Variants in GABRA2 observed in about 807,000 individuals in gnomAD.
GABRA2 encodes the protein gamma-aminobutyric acid receptor subunit alpha-2.
Under a neutral mutation model 48.7 loss-of-function variants are expected in GABRA2, and 16 were observed. The observed-to-expected ratio is 0.33, with a 90% CI of 0.22 to 0.50. The LOEUF (loss-of-function observed/expected upper bound fraction) is 0.50. GABRA2 is among the 20% of genes least tolerant of loss of function. GABRA2 has a pLI of 0.98. For synonymous variants in GABRA2, 185 were observed against 184.5 expected (o/e 1.00, Z -0.02); for missense variants, 275 against 535.6 (o/e 0.51, Z 4.80).
intron 8 of GABRA2, among the ~76,000 whole-genome samples, chr4:46,268,884 G>C (rs1376075070): frequency 6.6e-6 from 1 of 151,870 alleles, no homozygotes; most frequent in Non-Finnish European, 1.5e-5. Context: ...TCTGTCATTT[G>C]AGGCAACATG....
intron 4 of GABRA2, among the ~76,000 whole-genome samples, chr4:46,317,279 C>G (rs748876254): frequency 2.6e-5 from 4 of 151,622 alleles, no homozygotes; most frequent in Non-Finnish European, 5.9e-5. Flanking sequence ...GAAGGGTGAG[C>G]CTTTAAGTGG....
intron 8 of GABRA2, among the ~76,000 whole-genome samples, chr4:46,271,179 C>A (rs1719261949): frequency 6.6e-6 from 1 of 151,908 alleles, no homozygotes; most frequent in Non-Finnish European, 1.5e-5. Context: ...CAATAGAACA[C>A]ATGTAAAATT....
At chr4:46,261,628 A>C in intron 9 of GABRA2, 2 of 477,906 alleles carry the variant, frequency 4.2e-6, no homozygotes, top group East Asian at 6.3e-5. Context: ...TAAGAATAAG[A>C]AGGCAGTCTA....
intron 3 of GABRA2, among the ~76,000 whole-genome samples, chr4:46,356,601 C>T (rs935120871): frequency 6.6e-6 from 1 of 152,146 alleles, no homozygotes; most frequent in African/African-American, 2.4e-5. Context: ...TTCTGAGATT[C>T]ACATGAAGCC....
In GABRA2 at chr4:46,250,079, G is replaced by C. The variant is rs966423046; in HGVS notation, c.*229C>G. The C allele has an allele frequency of 1.7e-5, 8 of 467,854 alleles. No individual in the cohort carries two copies. The highest frequency in any genetic ancestry group is 1.6e-4 in the African/African-American group (8 of 50,650). The allele number at this position is 467,854 out of a possible 1,614,324, so 29.0% of individuals were successfully genotyped here. A position where few individuals can be genotyped will look rare whatever the true frequency, so the allele number is the denominator to read the frequency against. On this transcript the variant is annotated 3_prime_UTR_variant, in exon 10 of 10. Coordinates refer to ENST00000381620, the MANE Select transcript of GABRA2 (RefSeq NM_000807.4). ...AATTCACTTTAAATCAGGTCCTAGGGTAAATCTTTAAAAAAGGCAATGGCT... is the reference window on the plus strand; with the variant it reads ...AATTCACTTTAAATCAGGTCCTAGGCTAAATCTTTAAAAAAGGCAATGGCT...
At chr4:46,302,065 C>G (rs962118714) in intron 8 of GABRA2, among the ~76,000 whole-genome samples, 2 of 150,338 alleles carry the variant, frequency 1.3e-5, no homozygotes, top group African/African-American at 5.0e-5. Context: ...CACTCCTTTT[C>G]ATTTTATTCT....
At chr4:46,255,286 C>CTT (rs10632844) in intron 9 of GABRA2, among the ~76,000 whole-genome samples, 94,023 of 151,020 alleles carry the variant, frequency 0.62, 29,955 homozygotes, top group South Asian at 0.76. Context: ...TAAAGTGTAA[C>CTT]AAGATAATAT....
intron 4 of GABRA2, among the ~76,000 whole-genome samples, chr4:46,323,914 T>C (rs954548498): frequency 6.6e-6 from 1 of 151,904 alleles, no homozygotes; most frequent in Non-Finnish European, 1.5e-5. Context: ...GGAAAAAACA[T>C]GTGCAAGGCC....
intron 8 of GABRA2, among the ~76,000 whole-genome samples, chr4:46,298,381 GAC>G (rs2109589604): frequency 6.6e-6 from 1 of 150,944 alleles, no homozygotes; most frequent in East Asian, 1.9e-4. Flanking sequence ...TTCTTACAGA[GAC>G]AATCTTTACA....
intron 8 of GABRA2, among the ~76,000 whole-genome samples, chr4:46,299,363 T>C (rs1440514090): frequency 6.6e-6 from 1 of 151,910 alleles, no homozygotes; most frequent in Non-Finnish European, 1.5e-5. Context: ...GTTGTGTTTG[T>C]TTAGTTCTTT....
At chr4:46,262,977 A>AGAGT (rs1560444673) in intron 8 of GABRA2, among the ~76,000 whole-genome samples, 1 of 138,828 alleles carries the variant, frequency 7.2e-6, no homozygotes, top group Non-Finnish European at 1.6e-5. Context: ...AGAGAGAGAG[A>AGAGT]GGGAGGGAGG....
At chr4:46,360,339 T>C (rs1165544429) in intron 3 of GABRA2, among the ~76,000 whole-genome samples, 1 of 152,212 alleles carries the variant, frequency 6.6e-6, no homozygotes, top group East Asian at 1.9e-4. Context: ...AATTGAATCA[T>C]GAGGGTGGGT....
intron 1 of GABRA2, 141 bp downstream of exon 1, chr4:46,389,594 G>T: frequency 2.2e-6 from 1 of 460,492 alleles, no homozygotes; most frequent in Non-Finnish European, 2.9e-6. Flanking sequence ...TAAGTGCGCT[G>T]GGGAGGAGGG....
intron 3 of GABRA2, among the ~76,000 whole-genome samples, chr4:46,356,662 C>CAAGATTAGT: frequency 6.6e-6 from 1 of 152,234 alleles, no homozygotes; most frequent in East Asian, 1.9e-4. Flanking sequence ...CTAATGGCCT[C>CAAGATTAGT]AAGATTAGTA....
At chr4:46,259,666 T>G (rs183599318) in intron 9 of GABRA2, among the ~76,000 whole-genome samples, 2 of 152,002 alleles carry the variant, frequency 1.3e-5, no homozygotes, top group African/African-American at 4.8e-5. Flanking sequence ...AAAGAACTTT[T>G]CATTTGCTCG....
At position 46,250,137 on chromosome 4, in the gene GABRA2, C is replaced by G. The variant is rs185242835; in HGVS notation, c.*171G>C. 86 of 563,316 alleles carry G rather than the reference C, an allele frequency of 1.5e-4. No homozygotes were observed. The highest frequency in any genetic ancestry group is 1.5e-3 in the African/African-American group (77 of 52,974). 34.9% of individuals were successfully genotyped at this position (563,316 alleles called of 1,614,324 possible). On this transcript the variant is annotated 3_prime_UTR_variant, in exon 10 of 10. Coordinates refer to ENST00000381620, the MANE Select transcript of GABRA2 (RefSeq NM_000807.4). ...CATGGAGTGCTTTCTGTCTGCAGTTCCATGAGTTAGCAAATGCATGTCTCC... is the reference window on the plus strand; with the variant it reads ...CATGGAGTGCTTTCTGTCTGCAGTTGCATGAGTTAGCAAATGCATGTCTCC...
chr4:46,358,240 T>C (rs1337546520), intron 3 of GABRA2, among the ~76,000 whole-genome samples: 1 of 152,192 alleles, frequency 6.6e-6, no homozygotes, highest in Non-Finnish European at 1.5e-5. Context: ...CGATGTCCCA[T>C]GATGCAATGA....
At chr4:46,276,723 T>C (rs1264859230) in intron 8 of GABRA2, among the ~76,000 whole-genome samples, 1 of 152,002 alleles carries the variant, frequency 6.6e-6, no homozygotes, top group African/African-American at 2.4e-5. Context: ...TGTTTGATAA[T>C]AGAGTAGGAT....
chr4:46,389,256 TC>T (rs772612669), intron 1 of GABRA2: 4 of 985,466 alleles, frequency 4.1e-6, no homozygotes, highest in Non-Finnish European at 3.6e-6. Flanking sequence ...CCTCACGTCT[TC>T]TTTTCTTCAC....
Sources: gnomAD v4.1 joint callset for allele counts (sites outside exome capture counted in the v4.1 genomes callset) on GRCh38, gnomAD v4.1.1 for gene constraint, MANE v1.5 for transcripts, NCBI Gene and HGNC (gene_info 2026-07-23, HGNC 2026-07-21) for gene names.